PKNOX2: variants seen among roughly 807,000 people sequenced by gnomAD.
PKNOX2 encodes the protein PBX/knotted 1 homeobox 2.
In PKNOX2, 14 loss-of-function variants were observed where a neutral mutation model predicts 53.1. The observed-to-expected ratio is 0.26, with a 90% confidence interval of 0.17 to 0.41. The LOEUF is 0.41. Among genes scored for constraint, PKNOX2 ranks in the 10% least tolerant of loss-of-function variants. The probability of loss-of-function intolerance (pLI) is 1.00; values close to 1 mark genes in which losing one functional copy is unlikely to be tolerated. For missense variants in PKNOX2, 496 were observed against 602.8 expected, an observed-to-expected ratio of 0.82 and a Z score of 1.85; for synonymous variants, 257 against 242.8, an observed-to-expected ratio of 1.06 and a Z score of -0.54.
chr11:125,426,439 C>T (rs899647573), intron 10 of PKNOX2, among the ~76,000 whole-genome samples: 12 of 152,240 alleles, frequency 7.9e-5, no homozygotes, highest in Non-Finnish European at 2.9e-5. Flanking sequence ...CTTGCCAGCA[C>T]CCAGGATGCG....
intron 2 of PKNOX2, among the ~76,000 whole-genome samples, chr11:125,318,221 C>G (rs947479862): frequency 6.6e-6 from 1 of 152,090 alleles, no homozygotes; most frequent in Non-Finnish European, 1.5e-5. Context: ...ATTATCCTGC[C>G]TCAGCCTCCT....
intron 7 of PKNOX2, among the ~76,000 whole-genome samples, chr11:125,399,024 C>T (rs952911409): frequency 5.3e-5 from 8 of 152,362 alleles, no homozygotes; most frequent in African/African-American, 1.9e-4. Context: ...CCCATGTACT[C>T]TATCTCCCCA....
chr11:125,391,708 C>T (rs1327081410), intron 6 of PKNOX2, among the ~76,000 whole-genome samples: 1 of 152,112 alleles, frequency 6.6e-6, no homozygotes, highest in African/African-American at 2.4e-5. Context: ...TGGTAGGAGA[C>T]TAAAATGTGA....
rs570324158 is a variant in PKNOX2 at position 125,211,572 on chromosome 11, T to C, written c.-200-23473T>C. On this transcript the variant is annotated intron_variant, in intron 1 of 12. Coordinates refer to ENST00000298282, the MANE Select transcript of PKNOX2 (RefSeq NM_001382323.2). ...CGACTGGGGCCTGGGCATTATTCTA[T>C]TGGGGTGGTCAGGGAAGGCCTTTCT... 7.2e-5 allele frequency among the ~76,000 whole-genome samples: 11 copies of C among 152,204 alleles called. No homozygotes were observed. The East Asian group carries it at 2.1e-3, about 29-fold the overall frequency.
intron 1 of PKNOX2, among the ~76,000 whole-genome samples, chr11:125,231,723 GGTGT>G (rs752521063): frequency 6.6e-6 from 1 of 151,146 alleles, no homozygotes; most frequent in African/African-American, 2.4e-5. Context: ...GTGTGTGGGG[GGTGT>G]GTGTGTGTGT....
intron 2 of PKNOX2, among the ~76,000 whole-genome samples, chr11:125,322,624 T>C (rs1199992388): frequency 2.0e-5 from 3 of 152,294 alleles, no homozygotes; most frequent in South Asian, 2.1e-4. Flanking sequence ...CCATGGATGA[T>C]GACACCCTCA....
At chr11:125,228,005 G>A (rs998214685) in intron 1 of PKNOX2, among the ~76,000 whole-genome samples, 4 of 152,132 alleles carry the variant, frequency 2.6e-5, no homozygotes, top group Non-Finnish European at 1.5e-5. Context: ...GCCTGGGTTA[G>A]ATGAGGGTTA....
intron 1 of PKNOX2, among the ~76,000 whole-genome samples, chr11:125,181,033 A>G (rs1004705554): frequency 5.3e-5 from 8 of 152,214 alleles, no homozygotes; most frequent in Non-Finnish European, 1.0e-4. Flanking sequence ...CGATATTAAC[A>G]TTAAAATAAT....
At chr11:125,256,851 C>T (rs905596826) in intron 2 of PKNOX2, among the ~76,000 whole-genome samples, 7 of 152,190 alleles carry the variant, frequency 4.6e-5, no homozygotes, top group Non-Finnish European at 8.8e-5. Context: ...CTTCTGCTTC[C>T]GTTGCAGCCG....
intron 5 of PKNOX2, among the ~76,000 whole-genome samples, chr11:125,384,239 G>A (rs1015748422): frequency 2.0e-5 from 3 of 152,238 alleles, no homozygotes; most frequent in African/African-American, 7.2e-5. Flanking sequence ...TAAATAAGGT[G>A]AGCTAGATTC....
chr11:125,241,884 A>G (rs1021036883), intron 2 of PKNOX2, among the ~76,000 whole-genome samples: 6 of 151,628 alleles, frequency 4.0e-5, no homozygotes, highest in African/African-American at 7.3e-5. Context: ...TGAACAAAAA[A>G]AGAGAGAGAG....
intron 10 of PKNOX2, among the ~76,000 whole-genome samples, chr11:125,415,852 A>G (rs1175691205): frequency 2.0e-5 from 3 of 152,252 alleles, no homozygotes; most frequent in Non-Finnish European, 4.4e-5. Context: ...AGAAACAACC[A>G]TTCAAAAGAG....
chr11:125,289,848 T>TC (rs1283520297), intron 2 of PKNOX2, among the ~76,000 whole-genome samples: 1 of 152,220 alleles, frequency 6.6e-6, no homozygotes, highest in East Asian at 1.9e-4. Context: ...GTAAGCACCT[T>TC]CACCGGAGGC....
At chr11:125,332,873 T>C (rs1317642450) in intron 3 of PKNOX2, among the ~76,000 whole-genome samples, 1 of 152,138 alleles carries the variant, frequency 6.6e-6, no homozygotes, top group Non-Finnish European at 1.5e-5. Context: ...TTAGTCTATT[T>C]AGAGGTCCAC....
chr11:125,424,921 C>T (rs1358088274), intron 10 of PKNOX2, among the ~76,000 whole-genome samples: 1 of 152,126 alleles, frequency 6.6e-6, no homozygotes, highest in Non-Finnish European at 1.5e-5. Context: ...CGTTATGGGG[C>T]TATAAAGGGA....
At chr11:125,364,434 G>C (rs1952078870) in intron 4 of PKNOX2, among the ~76,000 whole-genome samples, 2 of 152,094 alleles carry the variant, frequency 1.3e-5, no homozygotes, top group African/African-American at 4.8e-5. Context: ...TTTATTCTGA[G>C]CTTCCCTCCA....
At chr11:125,201,956 C>G (rs935242145) in intron 1 of PKNOX2, among the ~76,000 whole-genome samples, 46 of 152,292 alleles carry the variant, frequency 3.0e-4, no homozygotes, top group Admixed American at 1.8e-3. Context: ...TGGTGGAGCC[C>G]CAGCCTCTGG....
At chr11:125,429,355 C>T (rs369340972) in intron 11 of PKNOX2, among the ~76,000 whole-genome samples, 37 of 152,332 alleles carry the variant, frequency 2.4e-4, no homozygotes, top group African/African-American at 7.9e-4. Context: ...AGAAAACCCA[C>T]GCCCACCTGA....
chr11:125,182,609 C>T (rs1956217542), intron 1 of PKNOX2, among the ~76,000 whole-genome samples: 1 of 152,352 alleles, frequency 6.6e-6, no homozygotes, highest in South Asian at 2.1e-4. Context: ...TTACATACAA[C>T]AGGCTCAGCC....
Sources: gnomAD v4.1 joint callset for allele counts (sites outside exome capture counted in the v4.1 genomes callset) on GRCh38, gnomAD v4.1.1 for gene constraint, MANE v1.5 for transcripts, NCBI Gene and HGNC (gene_info 2026-07-23, HGNC 2026-07-21) for gene names.